The following PIEZO2 variants were observed in gnomAD, a reference collection of about 807,000 sequenced individuals.
The protein encoded by PIEZO2 is piezo type mechanosensitive ion channel component 2, also known as piezo-type mechanosensitive ion channel component 2.
Under a neutral mutation model 337.3 loss-of-function variants are expected in PIEZO2, and 172 were observed. That is an observed-to-expected ratio of 0.51 (90% CI 0.45 to 0.58). The LOEUF (loss-of-function observed/expected upper bound fraction) is 0.58. Among genes scored for constraint, PIEZO2 ranks in the 20% least tolerant of loss-of-function variants. The pLI is 0.00. For missense variants in PIEZO2, 3,028 were observed against 3,391.3 expected (o/e 0.89, Z 2.66); for synonymous variants, 1,251 against 1,228.5 (o/e 1.02, Z -0.38).
intron 3 of PIEZO2, among the ~76,000 whole-genome samples, chr18:10,948,871 A>T (rs1202891036): frequency 6.6e-6 from 1 of 152,246 alleles, no homozygotes; most frequent in Non-Finnish European, 1.5e-5. Context: ...TTGTATAGAT[A>T]CATACAGATG....
chr18:11,119,879 A>C (rs764145845), intron 1 of PIEZO2, among the ~76,000 whole-genome samples: 3 of 152,252 alleles, frequency 2.0e-5, no homozygotes, highest in Non-Finnish European at 4.4e-5. Context: ...ATATGAGAAC[A>C]ATGAAAAATC....
chr18:10,714,178 T>C (rs560936248), intron 39 of PIEZO2, among the ~76,000 whole-genome samples: 2 of 152,268 alleles, frequency 1.3e-5, no homozygotes, highest in African/African-American at 2.4e-5. Flanking sequence ...CGTAGGGTCT[T>C]AGAGGATAAA....
chr18:10,802,801 C>A (rs999870129), intron 9 of PIEZO2, among the ~76,000 whole-genome samples: 2 of 152,052 alleles, frequency 1.3e-5, no homozygotes, highest in Non-Finnish European at 2.9e-5. Flanking sequence ...AAAACCACAT[C>A]TCTACTAAAA....
chr18:10,684,120 CTT>C (rs2034413914), intron 49 of PIEZO2, among the ~76,000 whole-genome samples: 2 of 102,922 alleles, frequency 1.9e-5, no homozygotes, highest in Non-Finnish European at 3.7e-5. Context: ...TTCTTTCTTT[CTT>C]TCTCTCTCTC....
At chr18:10,701,962 A>G (rs963590607) in intron 43 of PIEZO2, 27 bp downstream of exon 43, 3 of 1,494,062 alleles carry the variant, frequency 2.0e-6, no homozygotes, top group African/African-American at 2.8e-5. Context: ...GACCAACTTG[A>G]ACTGATTAAT....
At chr18:10,892,530 A>T (rs1429753457) in intron 4 of PIEZO2, among the ~76,000 whole-genome samples, 2 of 152,004 alleles carry the variant, frequency 1.3e-5, no homozygotes, top group Admixed American at 1.3e-4. Flanking sequence ...GATAATGAAG[A>T]TAACACACAT....
Position 10,855,567 on chromosome 18 carries a change from C to A in PIEZO2, c.704-1G>T, listed in dbSNP as rs2144694416. 6.5e-7 allele frequency: 1 copy of A among 1,531,844 alleles called. No homozygotes were observed. 94.9% of individuals were successfully genotyped at this position (1,531,844 alleles called of 1,614,324 possible). A position where few individuals can be genotyped will look rare whatever the true frequency, so the allele number is the denominator to read the frequency against. On this transcript the variant is annotated splice_acceptor_variant, in intron 6 of 55. Coordinates refer to ENST00000674853, the MANE Select transcript of PIEZO2 (RefSeq NM_001378183.1). LOFTEE classifies it high-confidence loss of function. The surrounding 1 kb of genome is among the most constrained non-coding windows in gnomAD (Gnocchi z 4.9). ...GATGTCAAAGACGGCAACATCATGC[C>A]TAAGGAAGAGAAACGTAATCACAAA...
chr18:10,708,551 C>A (rs957556437), intron 39 of PIEZO2, 112 bp from the exon 40 acceptor site: 16 of 152,434 alleles, frequency 1.0e-4, no homozygotes, highest in African/African-American at 3.9e-4. Context: ...CACATGACAC[C>A]AACACCACCG....
At position 10,862,871 on chromosome 18, in the gene PIEZO2, T is replaced by A. The variant is rs533621195; in HGVS notation, c.493-5660A>T. 7.2e-5 allele frequency among the ~76,000 whole-genome samples: 11 copies of A among 152,360 alleles called. No homozygotes were observed. The highest frequency in any genetic ancestry group is 2.0e-4 in the Admixed American group (3 of 15,310). Reference sequence around the variant, plus strand: ...GGCACAATTTGAAAATATATTTTTTTAATCATATCCTAGCAGACTCCCTTA... The same window carrying A: ...GGCACAATTTGAAAATATATTTTTTAAATCATATCCTAGCAGACTCCCTTA... On this transcript the variant is annotated intron_variant, in intron 5 of 55. Transcript: ENST00000674853. This position sits in a 1 kb window ranked among gnomAD's most constrained non-coding sequence, Gnocchi z 4.4.
chr18:10,929,816 G>A lies in PIEZO2; in HGVS notation c.287-18588C>T, dbSNP rs774302453. On this transcript the variant is annotated intron_variant, in intron 3 of 55. Transcript: ENST00000674853. This position sits in a 1 kb window ranked among gnomAD's most constrained non-coding sequence, Gnocchi z 5.6. ...TTTCCTGATCCTCCTTTATGGTGCT[G>A]TAAACAAAAATAAAATTCTAAGGCC... 1.3e-5 allele frequency among the ~76,000 whole-genome samples: 2 copies of A among 152,126 alleles called. No individual in the cohort carries two copies. Among genetic ancestry groups the A allele is most frequent in the Non-Finnish European group, 2.9e-5 (2 of 68,008 alleles).
At chr18:10,772,826 G>A (rs2038651376) in intron 20 of PIEZO2, among the ~76,000 whole-genome samples, 1 of 152,088 alleles carries the variant, frequency 6.6e-6, no homozygotes, top group Non-Finnish European at 1.5e-5. Flanking sequence ...GTCTAGGAAG[G>A]GAAGTAGAAA....
chr18:10,799,942 C>A (rs1598497654), intron 11 of PIEZO2, among the ~76,000 whole-genome samples: 2 of 145,798 alleles, frequency 1.4e-5, no homozygotes. Flanking sequence ...CATTGCACTC[C>A]AGCCTGGGAG....
chr18:11,062,002 C>T (rs796591796), intron 2 of PIEZO2, among the ~76,000 whole-genome samples: 82 of 152,254 alleles, frequency 5.4e-4, no homozygotes, highest in Non-Finnish European at 5.0e-4. Flanking sequence ...TACCTGACTT[C>T]GAACTATACT....
rs1051585878 is a variant in PIEZO2, at chr18:10,759,211, GTGTGTGTGTGTGTGTGTT to G, written c.3757+253_3757+270del. Among the ~76,000 whole-genome samples, 1 of 55,072 alleles carries G rather than the reference GTGTGTGTGTGTGTGTGTT, an allele frequency of 1.8e-5. No individual in the cohort carries two copies. The highest frequency in any genetic ancestry group is 6.9e-5 in the African/African-American group (1 of 14,550). The allele number at this position is 55,072 out of a possible 152,430, so 36.1% of individuals were successfully genotyped here. ...GAAAGGTGGCTGTGTAAATGTGTGT[GTGTGTGTGTGTGTGTGTT>G]TGTGTGTGTGTGTTGGGGGAAGTGA... On this transcript the variant is annotated intron_variant, in intron 26 of 55. Coordinates refer to ENST00000674853, the MANE Select transcript of PIEZO2 (RefSeq NM_001378183.1). The surrounding 1 kb of genome is among the most constrained non-coding windows in gnomAD (Gnocchi z 5.5).
In PIEZO2 at chr18:10,899,242, C is replaced by T. The variant is rs756259253; in HGVS notation, c.329+11944G>A. Among the ~76,000 whole-genome samples the T allele has an allele frequency of 2.6e-5, 4 of 152,182 alleles. No individual in the cohort carries two copies. The highest frequency in any genetic ancestry group is 5.9e-5 in the Non-Finnish European group (4 of 68,028). ...GAAGTCATACAATACTGGGACAATCCTGTAGTTGTTCGCTACTTCAAATAT... is the reference window on the plus strand; with the variant it reads ...GAAGTCATACAATACTGGGACAATCTTGTAGTTGTTCGCTACTTCAAATAT... On this transcript the variant is annotated intron_variant, in intron 4 of 55. Coordinates refer to ENST00000674853, the MANE Select transcript of PIEZO2 (RefSeq NM_001378183.1). This position sits in a 1 kb window ranked among gnomAD's most constrained non-coding sequence, Gnocchi z 4.6.
At chr18:10,806,584 T>G (rs1179628090) in intron 8 of PIEZO2, among the ~76,000 whole-genome samples, 1 of 152,244 alleles carries the variant, frequency 6.6e-6, no homozygotes, top group East Asian at 1.9e-4. Flanking sequence ...TCACTCCATC[T>G]TCACAGGCTA....
At chr18:11,015,896 A>G (rs184007330) in intron 2 of PIEZO2, among the ~76,000 whole-genome samples, 6 of 152,256 alleles carry the variant, frequency 3.9e-5, no homozygotes, top group African/African-American at 1.2e-4. Flanking sequence ...CATGTTTTAA[A>G]TATTATTTTG....
At position 10,861,046 on chromosome 18, in the gene PIEZO2, C is replaced by T. The variant is rs778329212; in HGVS notation, c.493-3835G>A. ...TCAGGGCCAGAACTGCCATTAGTCA[C>T]GTCAGGCTGGCTTATTAACAGGCAG... On this transcript the variant is annotated intron_variant, in intron 5 of 55. Transcript: ENST00000674853. The surrounding 1 kb of genome is among the most constrained non-coding windows in gnomAD (Gnocchi z 4.3). Among the ~76,000 whole-genome samples, 3 of 152,202 alleles carry T rather than the reference C, an allele frequency of 2.0e-5. No individual in the cohort carries two copies. The highest frequency in any genetic ancestry group is 1.9e-4 in the East Asian group (1 of 5,202).
chr18:10,753,027 G>T, intron 27 of PIEZO2, 148 bp from the exon 28 acceptor site: 1 of 1,054,406 alleles, frequency 9.5e-7, no homozygotes, highest in Non-Finnish European at 1.3e-6. Context: ...CTGCTATCTA[G>T]GAAACCCTCA....
Sources: allele counts gnomAD v4.1 joint callset (sites outside exome capture counted in the v4.1 genomes callset), GRCh38; gene constraint gnomAD v4.1.1; non-coding constraint Gnocchi (gnomAD v3.1); transcripts MANE v1.5; gene names NCBI Gene and HGNC (gene_info 2026-07-23, HGNC 2026-07-21).